Variants in GGNBP2 observed in about 807,000 individuals in gnomAD.
GGNBP2 encodes the protein gametogenetin binding protein 2.
Under a neutral mutation model 85.9 loss-of-function variants are expected in GGNBP2, and 10 were observed. The observed-to-expected ratio is 0.12, with a 90% CI of 0.07 to 0.20. GGNBP2 has a LOEUF of 0.20. GGNBP2 is among the 10% of genes least tolerant of loss of function. The pLI, the probability that GGNBP2 is intolerant of heterozygous loss-of-function variation, is 1.00. For synonymous variants in GGNBP2, 287 were observed against 285.7 expected (o/e 1.00, Z -0.05); for missense variants, 595 against 857.8 (o/e 0.69, Z 3.83).
chr17:36,583,994 T>G (rs1251296396), intron 9 of GGNBP2, among the ~76,000 whole-genome samples: 2 of 152,210 alleles, frequency 1.3e-5, no homozygotes, highest in Non-Finnish European at 2.9e-5. Context: ...TATTTCAAAG[T>G]TCACTGAATT....
chr17:36,559,109 G>A (rs887216633), intron 4 of GGNBP2, among the ~76,000 whole-genome samples: 1 of 151,810 alleles, frequency 6.6e-6, no homozygotes. Flanking sequence ...AAACCAGCTT[G>A]GCCAACATGG....
chr17:36,545,823 C>A lies in GGNBP2; in HGVS notation c.93+6C>A, dbSNP rs969080889. On this transcript the variant is annotated splice_donor_region_variant and intron_variant, in intron 2 of 13. Transcript: ENST00000613102. ...ACATAGACGACACCCTGACGGTGAG[C>A]GGGCCGGGCCGGGCTGGGCCCGCCG... is the stretch of plus-strand genomic sequence containing the variant. 23 of 1,533,480 alleles carry A rather than the reference C, an allele frequency of 1.5e-5. No individual in the cohort carries two copies. Among genetic ancestry groups the A allele is most frequent in the Non-Finnish European group, 1.9e-5 (21 of 1,134,780 alleles). The allele number at this position is 1,533,480 out of a possible 1,614,324, so 95.0% of individuals were successfully genotyped here.
At chr17:36,551,185 A>T (rs1341732690) in intron 2 of GGNBP2, among the ~76,000 whole-genome samples, 2 of 151,594 alleles carry the variant, frequency 1.3e-5, no homozygotes, top group Non-Finnish European at 2.9e-5. Flanking sequence ...TTTTGTTTTT[A>T]AAAATAACCG....
chr17:36,552,225 C>T (rs984216421), intron 2 of GGNBP2, among the ~76,000 whole-genome samples: 2 of 152,150 alleles, frequency 1.3e-5, no homozygotes, highest in Non-Finnish European at 1.5e-5. Context: ...AATGACTTGA[C>T]AGTTAAATTT....
rs1173483569 is a variant in GGNBP2 at position 36,585,851 on chromosome 17, C to T, written c.1378C>T (p.His460Tyr). The T allele has an allele frequency of 4.3e-6, 7 of 1,613,238 alleles. No homozygotes were observed. The highest frequency in any genetic ancestry group is 5.9e-6 in the Non-Finnish European group (7 of 1,179,328). ...TGATTTATTCTCAGGCTTATCTCCACACTGTAATGGTAGTGATTGTGGATA... is the reference window on the plus strand; with the variant it reads ...TGATTTATTCTCAGGCTTATCTCCATACTGTAATGGTAGTGATTGTGGATA... Reference protein sequence around the residue: ...SPKIKKGLSPHCNGSDCGYSS... With the variant: ...SPKIKKGLSPYCNGSDCGYSS... The change falls in exon 11 of 14, where the codon CAC (histidine) becomes TAC (tyrosine). Residue 460 changes from histidine to tyrosine, a missense_variant. Around this residue, in one of 9 missense-constraint regions of GGNBP2, gnomAD observed 85 missense variants for 92.6 expected, o/e 0.92. Coordinates refer to ENST00000613102, the MANE Select transcript of GGNBP2 (RefSeq NM_024835.5).
At chr17:36,571,281 G>A (rs1053904969) in intron 6 of GGNBP2, among the ~76,000 whole-genome samples, 3 of 152,080 alleles carry the variant, frequency 2.0e-5, no homozygotes, top group Admixed American at 6.6e-5. Context: ...GCTGAGTGTG[G>A]TGGCTCACTC....
intron 12 of GGNBP2, 79 bp downstream of exon 12, chr17:36,586,277 C>T: frequency 6.6e-7 from 1 of 1,514,950 alleles, no homozygotes; most frequent in Non-Finnish European, 8.8e-7. Context: ...GGCATATGTG[C>T]AGCTTAGCTG....
chr17:36,583,614 A>G (rs1911260786), intron 9 of GGNBP2, among the ~76,000 whole-genome samples: 3 of 151,788 alleles, frequency 2.0e-5, no homozygotes, highest in Admixed American at 2.0e-4. Context: ...GCCTACCACC[A>G]TGCCCGGCTA....
Position 36,545,602 on chromosome 17 carries a change from G to C in GGNBP2, c.-106-17G>C. ...GCAGCGGCGGGTGCTTACGCTCGCG[G>C]GGTTTGGCTGTTGCAGGCAGGAGCT... On this transcript the variant is annotated splice_polypyrimidine_tract_variant and intron_variant, in intron 1 of 13. Transcript: ENST00000613102. The C allele has an allele frequency of 1.4e-6, 1 of 714,352 alleles. No individual in the cohort carries two copies. The highest frequency in any genetic ancestry group is 2.4e-6 in the Non-Finnish European group (1 of 416,058). 44.3% of individuals were successfully genotyped at this position (714,352 alleles called of 1,614,324 possible). A position where few individuals can be genotyped will look rare whatever the true frequency, so the allele number is the denominator to read the frequency against.
chr17:36,570,567 G>A (rs529010132), intron 6 of GGNBP2, among the ~76,000 whole-genome samples: 1 of 152,230 alleles, frequency 6.6e-6, no homozygotes, highest in Admixed American at 6.5e-5. Flanking sequence ...GGGCGTGGTG[G>A]TGGGTGCCTA....
rs1054801611 is a variant in GGNBP2, at chr17:36,556,964, G to A, written c.175-119G>A. The A allele has an allele frequency of 4.3e-6, 5 of 1,153,742 alleles. No individual in the cohort carries two copies. In the African/African-American group the frequency reaches 6.1e-5, roughly 14 times the overall value. 71.5% of individuals were successfully genotyped at this position (1,153,742 alleles called of 1,614,324 possible). A position where few individuals can be genotyped will look rare whatever the true frequency, so the allele number is the denominator to read the frequency against. On this transcript the variant is annotated intron_variant, in intron 3 of 13. Coordinates refer to ENST00000613102, the MANE Select transcript of GGNBP2 (RefSeq NM_024835.5). Reference sequence around the variant, plus strand: ...TGCCTTTCTGACTCAGTTGCAGGTAGAGCTGGTAAACCCTGGCCAGGTTGT... The same window carrying A: ...TGCCTTTCTGACTCAGTTGCAGGTAAAGCTGGTAAACCCTGGCCAGGTTGT...
intron 2 of GGNBP2, among the ~76,000 whole-genome samples, chr17:36,552,071 G>A (rs573234633): frequency 1.3e-5 from 2 of 152,096 alleles, no homozygotes; most frequent in East Asian, 1.9e-4. Flanking sequence ...TTTTTATTAC[G>A]GCTATTGGTA....
intron 5 of GGNBP2, among the ~76,000 whole-genome samples, chr17:36,564,897 A>G (rs1232974302): frequency 6.6e-6 from 1 of 152,146 alleles, no homozygotes; most frequent in Non-Finnish European, 1.5e-5. Flanking sequence ...ATGCAAGTAA[A>G]CCCAGGTTAT....
At chr17:36,588,606 T>A (rs1318323175) in intron 13 of GGNBP2, among the ~76,000 whole-genome samples, 6 of 150,146 alleles carry the variant, frequency 4.0e-5, no homozygotes, top group African/African-American at 1.5e-4. Flanking sequence ...ATTTATTTAT[T>A]TTTTTTTTTT....
At chr17:36,575,617 T>C (rs1341493493) in intron 6 of GGNBP2, among the ~76,000 whole-genome samples, 4 of 65,344 alleles carry the variant, frequency 6.1e-5, no homozygotes, top group African/African-American at 2.0e-4. Flanking sequence ...ATGTAACATA[T>C]ATATATATAT....
intron 6 of GGNBP2, chr17:36,577,529 A>G (rs902751634): frequency 2.4e-5 from 4 of 164,580 alleles, no homozygotes; most frequent in African/African-American, 9.6e-5. Context: ...ATGTTGTAAT[A>G]GAAATTGGAG....
chr17:36,556,958 C>T, intron 3 of GGNBP2, 125 bp from the exon 4 acceptor site: 1 of 1,063,502 alleles, frequency 9.4e-7, no homozygotes, highest in Non-Finnish European at 1.4e-6. Context: ...GACTCAGTTG[C>T]AGGTAGAGCT....
chr17:36,575,670 G>A lies in GGNBP2; in HGVS notation c.642-2313G>A, dbSNP rs12950003. 9.7e-3 allele frequency among the ~76,000 whole-genome samples: 827 copies of A among 85,410 alleles called. 27 individuals are homozygous for A. Among genetic ancestry groups the A allele is most frequent in the African/African-American group, 0.048 (800 of 16,710 alleles). The allele number at this position is 85,410 out of a possible 152,430, so 56.0% of individuals were successfully genotyped here. A position where few individuals can be genotyped will look rare whatever the true frequency, so the allele number is the denominator to read the frequency against. On this transcript the variant is annotated intron_variant, in intron 6 of 13. Coordinates refer to ENST00000613102, the MANE Select transcript of GGNBP2 (RefSeq NM_024835.5). ...TATATTTTTTTTTTTTTTTGAGATG[G>A]AGTTTCGCTCTTCTTATGCAGGCTG... is the stretch of plus-strand genomic sequence containing the variant.
intron 6 of GGNBP2, among the ~76,000 whole-genome samples, chr17:36,574,297 T>C (rs1056058370): frequency 1.3e-5 from 2 of 152,178 alleles, no homozygotes; most frequent in Non-Finnish European, 2.9e-5. Flanking sequence ...AATAAAAATA[T>C]GTATACTACC....
Sources: allele counts gnomAD v4.1 joint callset (sites outside exome capture counted in the v4.1 genomes callset), GRCh38; gene constraint gnomAD v4.1.1; regional missense constraint gnomAD v4.1.1; transcripts MANE v1.5; gene names NCBI Gene and HGNC (gene_info 2026-07-23, HGNC 2026-07-21).